The following FHIT variants were observed in gnomAD, a reference collection of about 807,000 sequenced individuals.
FHIT encodes fragile histidine triad diadenosine triphosphatase, also known as bis(5'-adenosyl)-triphosphatase.
Under a neutral mutation model 17.9 loss-of-function variants are expected in FHIT, and 19 were observed. The observed-to-expected ratio is 1.06, with a 90% CI of 0.74 to 1.56. FHIT has a LOEUF of 1.56. Among genes scored for constraint, FHIT ranks in the 40% most tolerant of loss-of-function variants. The probability of loss-of-function intolerance (pLI) is 0.00; values close to 1 mark genes in which losing one functional copy is unlikely to be tolerated. For synonymous variants in FHIT, 81 were observed against 69.7 expected (o/e 1.16, Z -0.81); for missense variants, 248 against 189.2 (o/e 1.31, Z -1.82).
At chr3:60,299,206 G>A (rs904379340) in intron 5 of FHIT, among the ~76,000 whole-genome samples, 11 of 151,956 alleles carry the variant, frequency 7.2e-5, no homozygotes, top group Admixed American at 2.6e-4. Context: ...CATTATTTAC[G>A]GTTGACATGC....
rs764550792 is a variant in FHIT at position 60,015,694 on chromosome 3, C to T, written c.104-1542G>A. Reference sequence around the variant, plus strand: ...AACCATGCAAGCTTCCAACGAAGTCCATAAGTGCTATGTTAGGCTATGTTC... The same window carrying T: ...AACCATGCAAGCTTCCAACGAAGTCTATAAGTGCTATGTTAGGCTATGTTC... On this transcript the variant is annotated intron_variant, in intron 5 of 9. Coordinates refer to ENST00000492590, the MANE Select transcript of FHIT (RefSeq NM_002012.4). 2.6e-5 allele frequency among the ~76,000 whole-genome samples: 4 copies of T among 152,138 alleles called. No individual in the cohort carries two copies. In the South Asian group the frequency reaches 6.2e-4, roughly 24 times the overall value.
intron 5 of FHIT, among the ~76,000 whole-genome samples, chr3:60,493,293 G>A (rs2034144489): frequency 6.6e-6 from 1 of 152,134 alleles, no homozygotes; most frequent in South Asian, 2.1e-4. Flanking sequence ...GTAGATGGTA[G>A]GCATTTTCCA....
intron 5 of FHIT, among the ~76,000 whole-genome samples, chr3:60,324,311 C>T (rs935373789): frequency 8.8e-5 from 12 of 136,918 alleles, no homozygotes; most frequent in African/African-American, 1.4e-4. Context: ...TAAGGCCGGG[C>T]GCGATGGCTC....
At chr3:60,418,376 G>GTATATATATATA (rs869203310) in intron 5 of FHIT, among the ~76,000 whole-genome samples, 3 of 14,914 alleles carry the variant, frequency 2.0e-4, no homozygotes, top group African/African-American at 6.2e-4. Flanking sequence ...CTGAATGTGT[G>GTATATATATATA]TATATATATA....
At chr3:59,970,540 G>A in intron 7 of FHIT, among the ~76,000 whole-genome samples, 1 of 152,100 alleles carries the variant, frequency 6.6e-6, no homozygotes, top group East Asian at 1.9e-4. Context: ...TTTTATAAGG[G>A]TTGGCTTACA....
intron 3 of FHIT, among the ~76,000 whole-genome samples, chr3:60,898,764 C>A (rs1705955203): frequency 6.6e-6 from 1 of 152,168 alleles, no homozygotes; most frequent in African/African-American, 2.4e-5. Flanking sequence ...CAGCCCTTCA[C>A]ATTCTTCAGG....
At chr3:60,125,593 T>C (rs1043590664) in intron 5 of FHIT, among the ~76,000 whole-genome samples, 1 of 150,456 alleles carries the variant, frequency 6.6e-6, no homozygotes, top group Non-Finnish European at 1.5e-5. Context: ...GATCATGCCA[T>C]TGCGACAGAA....
chr3:60,335,360 A>G (rs1387225145), intron 5 of FHIT, among the ~76,000 whole-genome samples: 1 of 152,218 alleles, frequency 6.6e-6, no homozygotes, highest in Non-Finnish European at 1.5e-5. Flanking sequence ...ATATTATTGT[A>G]CCTTGTCTTC....
chr3:60,432,917 C>CTT (rs5849363), intron 5 of FHIT, among the ~76,000 whole-genome samples: 10,213 of 148,746 alleles, frequency 0.069, 693 homozygotes, highest in African/African-American at 0.18. Context: ...GAAGAATTGT[C>CTT]TTTTTTTTTT....
At chr3:60,576,388 T>C (rs782712003) in intron 4 of FHIT, among the ~76,000 whole-genome samples, 13 of 152,028 alleles carry the variant, frequency 8.6e-5, no homozygotes, top group Non-Finnish European at 1.3e-4. Flanking sequence ...GTATGGTGTC[T>C]GCAAATGCTC....
At chr3:61,239,760 G>GATATATATATA (rs1560104211) in intron 1 of FHIT, among the ~76,000 whole-genome samples, 1 of 32,320 alleles carries the variant, frequency 3.1e-5, no homozygotes, top group Admixed American at 2.2e-4. Flanking sequence ...AAAACAACTG[G>GATATATATATA]CCATATATAT....
At chr3:60,965,735 C>T (rs565139453) in intron 3 of FHIT, among the ~76,000 whole-genome samples, 14 of 152,160 alleles carry the variant, frequency 9.2e-5, no homozygotes, top group South Asian at 2.1e-4. Context: ...GTATCACCAG[C>T]GGAGGCTGCA....
At chr3:59,998,606 C>G (rs1358953883) in intron 7 of FHIT, among the ~76,000 whole-genome samples, 1 of 152,056 alleles carries the variant, frequency 6.6e-6, no homozygotes, top group African/African-American at 2.4e-5. Flanking sequence ...TGGGGGGAAA[C>G]TGACACTTGG....
intron 4 of FHIT, among the ~76,000 whole-genome samples, chr3:60,811,415 A>G (rs782531525): frequency 1.3e-5 from 2 of 152,240 alleles, no homozygotes; most frequent in Non-Finnish European, 2.9e-5. Context: ...GATTACAAGA[A>G]TATGAAACTA....
chr3:61,148,068 T>C (rs980083933), intron 2 of FHIT, among the ~76,000 whole-genome samples: 1 of 151,298 alleles, frequency 6.6e-6, no homozygotes, highest in Non-Finnish European at 1.5e-5. Context: ...AACAAAAAAC[T>C]ATGCCCAGAC....
chr3:60,181,583 G>A (rs1701939010), intron 5 of FHIT, among the ~76,000 whole-genome samples: 1 of 152,142 alleles, frequency 6.6e-6, no homozygotes, highest in Admixed American at 6.5e-5. Context: ...ATTACCACTG[G>A]CATCAACAGA....
At chr3:60,876,172 T>C (rs1216705541) in intron 3 of FHIT, among the ~76,000 whole-genome samples, 1 of 152,102 alleles carries the variant, frequency 6.6e-6, no homozygotes, top group African/African-American at 2.4e-5. Flanking sequence ...TTTTCAACCC[T>C]GAGACAGATA....
chr3:60,782,155 T>A (rs1700412399), intron 4 of FHIT, among the ~76,000 whole-genome samples: 1 of 152,066 alleles, frequency 6.6e-6, no homozygotes, highest in Admixed American at 6.5e-5. Context: ...TAATGTCTGC[T>A]TGGTCCACCC....
intron 2 of FHIT, among the ~76,000 whole-genome samples, chr3:61,127,224 C>G (rs926446451): frequency 6.6e-6 from 1 of 152,130 alleles, no homozygotes; most frequent in African/African-American, 2.4e-5. Context: ...TGACAGGTGA[C>G]AGTAGCTTGG....
Sources: gnomAD v4.1 joint callset for allele counts (sites outside exome capture counted in the v4.1 genomes callset) on GRCh38, gnomAD v4.1.1 for gene constraint, MANE v1.5 for transcripts, NCBI Gene and HGNC (gene_info 2026-07-23, HGNC 2026-07-21) for gene names.